CNTN5: variants seen among roughly 807,000 people sequenced by gnomAD.
CNTN5 encodes contactin-5.
Under a neutral mutation model 129.1 loss-of-function variants are expected in CNTN5, and 77 were observed. The ratio of observed to expected loss-of-function variants is 0.60; its 90% CI spans 0.50 to 0.72. CNTN5 has a LOEUF of 0.72. Ranked by LOEUF, CNTN5 falls within the 30% of genes least tolerant of loss-of-function variation. The pLI, the probability that CNTN5 is intolerant of heterozygous loss-of-function variation, is 0.00. For missense variants in CNTN5, 1,478 were observed against 1,328.8 expected (o/e 1.11, Z -1.75); for synonymous variants, 509 against 465.6 (o/e 1.09, Z -1.20).
chr11:99,254,386 T>C (rs1322109463), intron 1 of CNTN5, among the ~76,000 whole-genome samples: 1 of 152,026 alleles, frequency 6.6e-6, no homozygotes, highest in Admixed American at 6.6e-5. Flanking sequence ...AAATACATCA[T>C]GGAAACTCAG....
At position 99,315,814 on chromosome 11, in the gene CNTN5, A is replaced by G. The variant is rs1865315904; in HGVS notation, c.-209-9532A>G. Among the ~76,000 whole-genome samples the G allele has an allele frequency of 2.7e-5, 4 of 149,258 alleles. 1 individual carries two copies. Among genetic ancestry groups the G allele is most frequent in the Middle Eastern group, 7.0e-3 (2 of 286 alleles). The stretch of plus-strand genomic sequence containing the variant: ...AGGGATTGAATATATATTGCAAGCC[A>G]GTGATTTTTTTTCATAGAGTATTTC... On this transcript the variant is annotated intron_variant, in intron 1 of 24. Transcript: ENST00000524871.
chr11:99,354,272 T>C (rs1291817154), intron 2 of CNTN5, among the ~76,000 whole-genome samples: 4 of 152,166 alleles, frequency 2.6e-5, no homozygotes, highest in African/African-American at 7.2e-5. Context: ...TTAAAGTATA[T>C]TAATACACCT....
intron 9 of CNTN5, among the ~76,000 whole-genome samples, chr11:100,044,743 G>A (rs536898895): frequency 6.7e-6 from 1 of 149,502 alleles, no homozygotes; most frequent in Non-Finnish European, 1.5e-5. Context: ...TCTGTCAGAT[G>A]CATAGTTTGC....
intron 1 of CNTN5, among the ~76,000 whole-genome samples, chr11:99,063,998 C>T: frequency 6.6e-6 from 1 of 152,052 alleles, no homozygotes. Context: ...CTGCCTTTCA[C>T]TGTCTAATTG....
At chr11:99,084,747 T>G (rs1052909742) in intron 1 of CNTN5, among the ~76,000 whole-genome samples, 1 of 152,182 alleles carries the variant, frequency 6.6e-6, no homozygotes. Context: ...GGAAAAAAAG[T>G]GCTCTAAGTT....
At chr11:99,677,197 T>G (rs969056432) in intron 3 of CNTN5, among the ~76,000 whole-genome samples, 1 of 152,196 alleles carries the variant, frequency 6.6e-6, no homozygotes. Context: ...AAATGAATTA[T>G]GTTTTATTGG....
chr11:99,865,092 C>A (rs570391104), intron 6 of CNTN5, among the ~76,000 whole-genome samples: 1 of 152,156 alleles, frequency 6.6e-6, no homozygotes, highest in East Asian at 1.9e-4. Context: ...TAAGCATCTT[C>A]CATCTCTTTG....
intron 2 of CNTN5, among the ~76,000 whole-genome samples, chr11:99,482,992 G>A (rs537472338): frequency 6.6e-6 from 1 of 151,954 alleles, no homozygotes; most frequent in South Asian, 2.1e-4. Context: ...TGGCCAATAT[G>A]GTTAAAGCCT....
At chr11:99,750,403 G>A (rs1286801559) in intron 3 of CNTN5, among the ~76,000 whole-genome samples, 1 of 152,062 alleles carries the variant, frequency 6.6e-6, no homozygotes, top group African/African-American at 2.4e-5. Context: ...CAAACTATAA[G>A]CATCCATTAT....
intron 23 of CNTN5, among the ~76,000 whole-genome samples, chr11:100,341,634 T>C (rs184674421): frequency 1.3e-3 from 203 of 152,118 alleles, no homozygotes; most frequent in African/African-American, 4.7e-3. Context: ...GCTAGAACAC[T>C]AGAAAGAAAA....
chr11:99,271,608 G>A (rs77797486), intron 1 of CNTN5, among the ~76,000 whole-genome samples: 3,383 of 151,872 alleles, frequency 0.022, 126 homozygotes, highest in African/African-American at 0.077. Context: ...GGGTATTTCT[G>A]GCAAGAGGTT....
At chr11:99,669,023 T>A (rs529511703) in intron 3 of CNTN5, among the ~76,000 whole-genome samples, 49 of 152,296 alleles carry the variant, frequency 3.2e-4, no homozygotes, top group African/African-American at 1.2e-3. Flanking sequence ...TTCTATTTCT[T>A]GTGAAAATTG....
chr11:99,419,391 T>C (rs1326570115), intron 2 of CNTN5, among the ~76,000 whole-genome samples: 1 of 152,234 alleles, frequency 6.6e-6, no homozygotes, highest in Non-Finnish European at 1.5e-5. Flanking sequence ...GTTTGTTTTA[T>C]ATTAAAAAAA....
intron 3 of CNTN5, among the ~76,000 whole-genome samples, chr11:99,581,286 T>G (rs1464523531): frequency 7.1e-6 from 1 of 140,944 alleles, no homozygotes; most frequent in African/African-American, 2.7e-5. Flanking sequence ...TGTGGTGTGG[T>G]GCTGAAAAGA....
chr11:99,133,389 A>AC (rs1859044352), intron 1 of CNTN5, among the ~76,000 whole-genome samples: 1 of 151,216 alleles, frequency 6.6e-6, no homozygotes, highest in Admixed American at 6.6e-5. Context: ...TGCAAAAAAA[A>AC]GGAAAAATTG....
At chr11:99,031,715 TATAAG>T (rs1278438300) in intron 1 of CNTN5, among the ~76,000 whole-genome samples, 2 of 152,110 alleles carry the variant, frequency 1.3e-5, no homozygotes, top group Admixed American at 1.3e-4. Context: ...GTATTTTTCT[TATAAG>T]ATAATAGTTC....
intron 10 of CNTN5, among the ~76,000 whole-genome samples, chr11:100,068,966 A>G (rs923397672): frequency 3.9e-5 from 6 of 152,162 alleles, no homozygotes; most frequent in Non-Finnish European, 7.3e-5. Flanking sequence ...TGTTTGAAGG[A>G]TGAATGTTAC....
intron 1 of CNTN5, among the ~76,000 whole-genome samples, chr11:99,149,575 A>G (rs1459582417): frequency 6.6e-6 from 1 of 152,076 alleles, no homozygotes; most frequent in East Asian, 1.9e-4. Context: ...AAAGAAGCAA[A>G]TCAACAAAAC....
At chr11:100,208,948 T>A (rs1001069636) in intron 15 of CNTN5, among the ~76,000 whole-genome samples, 7 of 152,148 alleles carry the variant, frequency 4.6e-5, no homozygotes, top group Admixed American at 4.6e-4. Context: ...GTCTCTACTC[T>A]AAGTGGTCTT....
Sources: allele counts gnomAD v4.1 joint callset (sites outside exome capture counted in the v4.1 genomes callset), GRCh38; gene constraint gnomAD v4.1.1; transcripts MANE v1.5; gene names NCBI Gene and HGNC (gene_info 2026-07-23, HGNC 2026-07-21).